CC2D1A: variants seen among roughly 807,000 people sequenced by gnomAD.
CC2D1A encodes coiled-coil and C2 domain containing 1A.
CC2D1A carries 68 observed loss-of-function variants against 123.8 expected under a neutral mutation model. The observed-to-expected ratio is 0.55, with a 90% CI of 0.45 to 0.67. The LOEUF (loss-of-function observed/expected upper bound fraction) is 0.67, where lower values mean the gene tolerates loss of function less well. Among genes scored for constraint, CC2D1A ranks in the 30% least tolerant of loss-of-function variants. The pLI is 0.00. For missense variants in CC2D1A, 1,185 were observed against 1,290.3 expected (o/e 0.92, Z 1.25); for synonymous variants, 477 against 528.0 (o/e 0.90, Z 1.32).
chr19:13,916,316 G>A (rs1971206089), intron 6 of CC2D1A, among the ~76,000 whole-genome samples: 2 of 152,010 alleles, frequency 1.3e-5, no homozygotes, highest in Non-Finnish European at 2.9e-5. Flanking sequence ...TATAATTCCA[G>A]CACTCTGGGA....
chr19:13,917,983 A>G, intron 6 of CC2D1A, 87 bp from the exon 7 acceptor site: 1 of 1,445,174 alleles, frequency 6.9e-7, no homozygotes, highest in Non-Finnish European at 9.3e-7. Flanking sequence ...AAAGAAAAAA[A>G]AAATTAAATA....
Position 13,923,506 on chromosome 19 carries a change from C to T in CC2D1A, c.1765-42C>T, listed in dbSNP as rs369145103. The T allele has an allele frequency of 5.0e-6, 8 of 1,614,168 alleles. No homozygotes were observed. Among genetic ancestry groups the T allele is most frequent in the Non-Finnish European group, 6.8e-6 (8 of 1,180,004 alleles). On this transcript the variant is annotated intron_variant, in intron 15 of 28. Coordinates refer to ENST00000318003, the MANE Select transcript of CC2D1A (RefSeq NM_017721.5). The surrounding 1 kb of genome is among the most constrained non-coding windows in gnomAD (Gnocchi z 5.3). Reference sequence around the variant, plus strand: ...CCCCAGGAGCGTGACCCTCCTTCCCCTCTCTTCCCTTCCCTCGACTCACTG... The same window carrying T: ...CCCCAGGAGCGTGACCCTCCTTCCCTTCTCTTCCCTTCCCTCGACTCACTG...
At chr19:13,926,772 A>G (rs377396616) in intron 19 of CC2D1A, 47 bp downstream of exon 19, 2 of 1,613,816 alleles carry the variant, frequency 1.2e-6, no homozygotes, top group African/African-American at 1.3e-5. Context: ...CAGTGGGCCA[A>G]AGCCAGGTCC....
At chr19:13,910,280 C>T (rs966224973) in intron 2 of CC2D1A, among the ~76,000 whole-genome samples, 5 of 150,678 alleles carry the variant, frequency 3.3e-5, no homozygotes, top group Non-Finnish European at 5.9e-5. Context: ...TGGTGGCGGG[C>T]GCCTGTAGTC....
At position 13,906,297 on chromosome 19, in the gene CC2D1A, A is replaced by C; in HGVS notation, c.-145A>C. The C allele has an allele frequency of 7.1e-6, 4 of 565,140 alleles. No individual in the cohort carries two copies. The highest frequency in any genetic ancestry group is 1.1e-5 in the Non-Finnish European group (4 of 355,676). 35.0% of individuals were successfully genotyped at this position (565,140 alleles called of 1,614,324 possible). A position where few individuals can be genotyped will look rare whatever the true frequency, so the allele number is the denominator to read the frequency against. ...CGGAAGTGGGACGGCCAAGCAGGGA[A>C]GCGAGGGCTCGGGATCGACGGCCGC... is the stretch of plus-strand genomic sequence containing the variant. On this transcript the variant is annotated 5_prime_UTR_variant, in exon 1 of 29. Transcript: ENST00000318003. This position sits in a 1 kb window ranked among gnomAD's most constrained non-coding sequence, Gnocchi z 4.1.
rs748339374 is a variant in CC2D1A at position 13,929,547 on chromosome 19, G to C, written c.2597G>C (p.Arg866Thr). 6.2e-7 allele frequency: 1 copy of C among 1,611,566 alleles called. No homozygotes were observed. The highest frequency in any genetic ancestry group is 2.2e-5 in the East Asian group (1 of 44,766). The change falls in exon 26 of 29, where the codon AGG (arginine) becomes ACG (threonine). Residue 866 changes from arginine to threonine, a missense_variant. Arg to Thr is a moderately conservative substitution (Grantham distance 71). Transcript: ENST00000318003. Reference sequence around the variant, plus strand: ...TGTATCCTCTAGATCCTGGCCCTCAGGCAGGCGCGGCGGCCGGTGCCCCCA... The same window carrying C: ...TGTATCCTCTAGATCCTGGCCCTCACGCAGGCGCGGCGGCCGGTGCCCCCA... ...ERLERKILAL[R>T]QARRPVPPEV...
chr19:13,909,662 A>G (rs1970923129), intron 1 of CC2D1A, 161 bp from the exon 2 acceptor site: 3 of 897,790 alleles, frequency 3.3e-6, no homozygotes, highest in Non-Finnish European at 5.5e-6. Context: ...ATCTTGGAAC[A>G]CCTGTTCTGG....
intron 6 of CC2D1A, among the ~76,000 whole-genome samples, chr19:13,914,803 C>G (rs1971146359): frequency 1.3e-5 from 2 of 152,188 alleles, no homozygotes; most frequent in African/African-American, 4.8e-5. Context: ...GCCCCATGCC[C>G]AGCTAATTTT....
chr19:13,919,948 G>T lies in CC2D1A; in HGVS notation c.1353G>T (p.Lys451Asn). Residue 451 changes from lysine to asparagine, a missense_variant, in exon 12 of 29, where the codon AAG (lysine) becomes AAT (asparagine). Coordinates refer to ENST00000318003, the MANE Select transcript of CC2D1A (RefSeq NM_017721.5). The part of the protein sequence containing the change: ...GPEDEEDEVP[K>N]KQNSPVAPTA... ...AGGATGAAGAGGATGAGGTGCCTAA[G>T]AAGGTTTGAGGGTTGGGGCCGGGCG... 1.2e-6 allele frequency: 2 copies of T among 1,611,682 alleles called. No individual in the cohort carries two copies. The highest frequency in any genetic ancestry group is 1.7e-6 in the Non-Finnish European group (2 of 1,178,940).
intron 14 of CC2D1A, among the ~76,000 whole-genome samples, chr19:13,922,005 G>C (rs1335666644): frequency 6.6e-6 from 1 of 152,052 alleles, no homozygotes; most frequent in Non-Finnish European, 1.5e-5. Flanking sequence ...TTTTTGTTTT[G>C]TTTTGTTTTG....
At position 13,923,065 on chromosome 19, in the gene CC2D1A, C is replaced by T. The variant is rs954467377; in HGVS notation, c.1642-268C>T. ...AAAATTAGCCAGGTGTGGTGGCAGG[C>T]GCCTGTAATTCCAGCTACTCAGGAG... On this transcript the variant is annotated intron_variant, in intron 14 of 28. Transcript: ENST00000318003. The surrounding 1 kb of genome is among the most constrained non-coding windows in gnomAD (Gnocchi z 5.3). Among the ~76,000 whole-genome samples, 1 of 151,928 alleles carries T rather than the reference C, an allele frequency of 6.6e-6. No homozygotes were observed. The highest frequency in any genetic ancestry group is 1.5e-5 in the Non-Finnish European group (1 of 67,994).
At chr19:13,910,222 C>T (rs2145297725) in intron 2 of CC2D1A, among the ~76,000 whole-genome samples, 1 of 149,774 alleles carries the variant, frequency 6.7e-6, no homozygotes, top group South Asian at 2.1e-4. Flanking sequence ...CACGGTGAAA[C>T]TCTGTCTCTA....
intron 17 of CC2D1A, among the ~76,000 whole-genome samples, chr19:13,924,277 TCTC>T (rs1305006537): frequency 3.9e-5 from 6 of 152,066 alleles, no homozygotes; most frequent in Non-Finnish European, 7.4e-5. Flanking sequence ...TTCATGCCAT[TCTC>T]CTGCCTCAGC....
At chr19:13,912,180 C>T (rs1273302939) in intron 2 of CC2D1A, 143 bp from the exon 3 acceptor site, 1 of 922,050 alleles carries the variant, frequency 1.1e-6, no homozygotes, top group East Asian at 2.7e-5. Flanking sequence ...TTCAGGTAGC[C>T]AGGCCCCAGA....
At chr19:13,918,268 C>T in intron 7 of CC2D1A, 74 bp downstream of exon 7, 2 of 1,446,228 alleles carry the variant, frequency 1.4e-6, no homozygotes, top group Non-Finnish European at 1.8e-6. Flanking sequence ...GGCAAAGCAC[C>T]CAAATTTGCA....
At chr19:13,927,572 A>T (rs1971688346) in intron 22 of CC2D1A, 1 of 457,612 alleles carries the variant, frequency 2.2e-6, no homozygotes, top group Admixed American at 3.4e-5. Flanking sequence ...AGGTCAGGAG[A>T]TCGAGACCAT....
chr19:13,914,059 G>A (rs1297440324), intron 6 of CC2D1A, among the ~76,000 whole-genome samples: 1 of 151,544 alleles, frequency 6.6e-6, no homozygotes, highest in Non-Finnish European at 1.5e-5. Context: ...TGTATTTTGA[G>A]TAGAGATGGG....
At chr19:13,929,466 A>C in intron 25 of CC2D1A, 24 bp downstream of exon 25, 3 of 1,612,938 alleles carry the variant, frequency 1.9e-6, no homozygotes, top group Non-Finnish European at 2.5e-6. Flanking sequence ...CTGCCGGGCT[A>C]CATGGGGCAG....
chr19:13,915,746 G>A (rs902130528), intron 6 of CC2D1A, among the ~76,000 whole-genome samples: 6 of 152,116 alleles, frequency 3.9e-5, no homozygotes, highest in African/African-American at 9.6e-5. Context: ...TGGGAGGTTC[G>A]CTTGAGTCCA....
Sources: allele counts gnomAD v4.1 joint callset (sites outside exome capture counted in the v4.1 genomes callset), GRCh38; gene constraint gnomAD v4.1.1; non-coding constraint Gnocchi (gnomAD v3.1); transcripts MANE v1.5; gene names NCBI Gene and HGNC (gene_info 2026-07-23, HGNC 2026-07-21).